TNNI3K: variants seen among roughly 807,000 people sequenced by gnomAD.
The protein encoded by TNNI3K is TNNI3 interacting kinase.
Under a neutral mutation model 114.5 loss-of-function variants are expected in TNNI3K, and 140 were observed. That is an observed-to-expected ratio of 1.22 (90% CI 1.07 to 1.41). The LOEUF (loss-of-function observed/expected upper bound fraction) is 1.41. TNNI3K is among the 40% of genes most tolerant of loss of function. The pLI is 0.00. For synonymous variants in TNNI3K, 347 were observed against 347.5 expected (o/e 1.00, Z 0.02); for missense variants, 1,125 against 1,007.6 (o/e 1.12, Z -1.58).
chr1:74,268,019 A>G (rs944817619), intron 4 of TNNI3K, among the ~76,000 whole-genome samples: 1 of 151,970 alleles, frequency 6.6e-6, no homozygotes, highest in Non-Finnish European at 1.5e-5. Context: ...ATAGACATTC[A>G]TTAATAAATA....
At chr1:74,386,929 A>G (rs1167279657) in intron 17 of TNNI3K, among the ~76,000 whole-genome samples, 2 of 152,182 alleles carry the variant, frequency 1.3e-5, no homozygotes, top group Admixed American at 6.5e-5. Context: ...CCTTAACTGT[A>G]TATTAAGGAT....
At chr1:74,251,596 T>A (rs1377421357) in intron 4 of TNNI3K, among the ~76,000 whole-genome samples, 1 of 152,196 alleles carries the variant, frequency 6.6e-6, no homozygotes, top group African/African-American at 2.4e-5. Context: ...CAGAATCTTA[T>A]TTGTATATTG....
chr1:74,402,040 G>T, intron 17 of TNNI3K: 1 of 220,336 alleles, frequency 4.5e-6, no homozygotes, highest in Non-Finnish European at 9.1e-6. Flanking sequence ...GGAATAATCT[G>T]GTTCTCATCC....
At chr1:74,368,798 A>AAGG (rs1662422724) in intron 13 of TNNI3K, among the ~76,000 whole-genome samples, 1 of 151,884 alleles carries the variant, frequency 6.6e-6, no homozygotes, top group Non-Finnish European at 1.5e-5. Flanking sequence ...GGTAACAAGG[A>AAGG]GTGAGTAATC....
chr1:74,538,455 G>A (rs1450201114), intron 23 of TNNI3K, among the ~76,000 whole-genome samples: 2 of 152,138 alleles, frequency 1.3e-5, no homozygotes, highest in Non-Finnish European at 1.5e-5. Flanking sequence ...TGTTCTGAGT[G>A]TTGAAGATAT....
At chr1:74,240,449 A>G (rs1377535378) in intron 2 of TNNI3K, 1 of 152,326 alleles carries the variant, frequency 6.6e-6, no homozygotes, top group Non-Finnish European at 1.5e-5. Flanking sequence ...GGCTAATCAA[A>G]TTAAACTGGC....
intron 17 of TNNI3K, chr1:74,375,510 C>G: frequency 2.2e-6 from 1 of 451,504 alleles, no homozygotes; most frequent in Admixed American, 2.4e-5. Flanking sequence ...CAGATTGCTT[C>G]TGGGGATAAA....
At chr1:74,507,465 A>G (rs1669967264) in intron 23 of TNNI3K, among the ~76,000 whole-genome samples, 1 of 152,152 alleles carries the variant, frequency 6.6e-6, no homozygotes, top group Non-Finnish European at 1.5e-5. Context: ...CACACAGAGT[A>G]AGCTTCTTGA....
chr1:74,302,138 C>T (rs778002433), intron 5 of TNNI3K, among the ~76,000 whole-genome samples: 5 of 152,180 alleles, frequency 3.3e-5, no homozygotes, highest in Non-Finnish European at 7.3e-5. Context: ...TGATAATTCC[C>T]ACAATATTTC....
chr1:74,500,398 G>A (rs560169743), intron 23 of TNNI3K, among the ~76,000 whole-genome samples: 107 of 151,388 alleles, frequency 7.1e-4, no homozygotes, highest in African/African-American at 2.4e-3. Context: ...TCAGGAGATC[G>A]AGACCATCCC....
chr1:74,444,693 T>A (rs746840087), intron 20 of TNNI3K, among the ~76,000 whole-genome samples: 8 of 151,770 alleles, frequency 5.3e-5, no homozygotes, highest in Non-Finnish European at 1.0e-4. Flanking sequence ...TAAATTCATA[T>A]GGAACCAAAA....
chr1:74,429,439 T>C lies in TNNI3K; in HGVS notation c.1773-6641T>C, dbSNP rs747025138. On this transcript the variant is annotated intron_variant, in intron 17 of 24. Transcript: ENST00000326637. ...GGTCTAATCAGCTCCTTGAAACAAATTGGAATCAGTTCAGTGTATGGGAGT... is the reference window on the plus strand; with the variant it reads ...GGTCTAATCAGCTCCTTGAAACAAACTGGAATCAGTTCAGTGTATGGGAGT... 4.6e-5 allele frequency among the ~76,000 whole-genome samples: 7 copies of C among 152,118 alleles called. No homozygotes were observed. In the East Asian group the frequency reaches 9.7e-4, roughly 21 times the overall value.
chr1:74,267,484 G>A (rs751862994), intron 4 of TNNI3K, among the ~76,000 whole-genome samples: 7 of 151,886 alleles, frequency 4.6e-5, no homozygotes, highest in Non-Finnish European at 7.4e-5. Context: ...ACAAAGTAAG[G>A]TTCAGTTAGC....
chr1:74,325,925 C>T (rs1195762859), intron 5 of TNNI3K, among the ~76,000 whole-genome samples: 2 of 152,146 alleles, frequency 1.3e-5, no homozygotes, highest in African/African-American at 2.4e-5. Context: ...TAAAGCTTTA[C>T]TAATGCAGAT....
At chr1:74,431,720 G>A (rs957910748) in intron 17 of TNNI3K, among the ~76,000 whole-genome samples, 10 of 152,074 alleles carry the variant, frequency 6.6e-5, no homozygotes, top group South Asian at 2.1e-4. Context: ...ATAAAGCAGC[G>A]TGATCAAAAG....
chr1:74,480,209 C>T (rs1331504511), intron 21 of TNNI3K: 3 of 717,546 alleles, frequency 4.2e-6, no homozygotes, highest in African/African-American at 1.7e-5. Flanking sequence ...GAGGGGACTT[C>T]TGTCCTTTAG....
intron 5 of TNNI3K, among the ~76,000 whole-genome samples, chr1:74,316,447 A>G (rs1659306017): frequency 6.6e-6 from 1 of 152,086 alleles, no homozygotes; most frequent in South Asian, 2.1e-4. Context: ...CTCTTTTTAT[A>G]TTCATTCCTC....
intron 10 of TNNI3K, among the ~76,000 whole-genome samples, chr1:74,353,613 G>A (rs1395340463): frequency 2.0e-5 from 3 of 148,498 alleles, no homozygotes; most frequent in African/African-American, 7.5e-5. Context: ...GGGACAGACT[G>A]ACCACACTGC....
intron 5 of TNNI3K, among the ~76,000 whole-genome samples, chr1:74,287,243 T>C (rs1415106582): frequency 6.6e-6 from 1 of 152,044 alleles, no homozygotes; most frequent in Non-Finnish European, 1.5e-5. Context: ...TAAACCAGTG[T>C]ATGCATTATT....
Sources: allele counts gnomAD v4.1 joint callset (sites outside exome capture counted in the v4.1 genomes callset), GRCh38; gene constraint gnomAD v4.1.1; transcripts MANE v1.5; gene names NCBI Gene and HGNC (gene_info 2026-07-23, HGNC 2026-07-21).